Variants in STK3 observed in about 807,000 individuals in gnomAD.
STK3 encodes serine/threonine-protein kinase 3.
In STK3, 41 loss-of-function variants were observed where a neutral mutation model predicts 58.0. The observed-to-expected ratio is 0.71, with a 90% confidence interval of 0.55 to 0.92. STK3 has a LOEUF of 0.92. Among genes scored for constraint, STK3 ranks in the 40% least tolerant of loss-of-function variants. STK3 has a pLI of 0.00. For synonymous variants in STK3, 170 were observed against 191.0 expected, an observed-to-expected ratio of 0.89 and a Z score of 0.91; for missense variants, 479 against 602.7, an observed-to-expected ratio of 0.79 and a Z score of 2.15.
intron 10 of STK3, among the ~76,000 whole-genome samples, chr8:98,477,770 GA>G (rs1282366965): frequency 3.7e-5 from 5 of 135,122 alleles, no homozygotes; most frequent in African/African-American, 1.4e-4. Context: ...AAAGGACACA[GA>G]GAAAAGCCTT....
At chr8:98,825,803 GCCCC>G (rs1564039797), upstream of STK3, 39 of 65,002 alleles carry the variant, frequency 6.0e-4, no homozygotes, top group African/African-American at 1.8e-3. Context: ...CGGCCGCCCC[GCCCC>G]GCCCCCGGCC....
chr8:98,710,554 A>G (rs1313379656), intron 4 of STK3, among the ~76,000 whole-genome samples: 2 of 152,194 alleles, frequency 1.3e-5, no homozygotes, highest in Non-Finnish European at 2.9e-5. Context: ...CTAGCACAAC[A>G]GTGTGAGATC....
intron 1 of STK3, among the ~76,000 whole-genome samples, chr8:98,924,950 G>C (rs1839726840): frequency 6.6e-6 from 1 of 152,152 alleles, no homozygotes; most frequent in African/African-American, 2.4e-5. Context: ...CAAGAAGGGA[G>C]AGGACAAAAT....
In STK3 at chr8:98,417,085, T is replaced by C. The variant is rs142272771; in HGVS notation, n.484-15572A>G. Among the ~76,000 whole-genome samples, 91 of 152,302 alleles carry C rather than the reference T, an allele frequency of 6.0e-4. 4 individuals carry two copies. In the East Asian group the frequency reaches 0.017, roughly 28 times the overall value. Reference sequence around the variant, plus strand: ...AATGGAAAGGGGGGCTTCTCACATGTGGGCTCAGAGCAGAGCTGAGTGCTG... The same window carrying C: ...AATGGAAAGGGGGGCTTCTCACATGCGGGCTCAGAGCAGAGCTGAGTGCTG... On this transcript the variant is annotated intron_variant and non_coding_transcript_variant, in intron 3 of 3. Transcript: ENST00000517832.
upstream of STK3, among the ~76,000 whole-genome samples, chr8:98,827,210 T>C (rs1322715180): frequency 6.6e-6 from 1 of 150,954 alleles, no homozygotes; most frequent in African/African-American, 2.4e-5. Flanking sequence ...GTGATGCGCC[T>C]GTACTCCCAG....
chr8:98,371,349 A>G (rs1817609018), downstream of STK3: 1 of 152,248 alleles, frequency 6.6e-6, no homozygotes, highest in South Asian at 2.1e-4. Flanking sequence ...TTTCACTCTC[A>G]CAACACTGAG....
the STK3 span, among the ~76,000 whole-genome samples, chr8:98,364,512 A>G: frequency 6.6e-6 from 1 of 151,986 alleles, no homozygotes; most frequent in African/African-American, 2.4e-5. Context: ...TTTGGTTTCT[A>G]TTTCCTTAAC....
chr8:98,534,647 G>T (rs1471243606), intron 9 of STK3, among the ~76,000 whole-genome samples: 1 of 152,132 alleles, frequency 6.6e-6, no homozygotes, highest in Non-Finnish European at 1.5e-5. Context: ...CATTTAGACA[G>T]GACACATACA....
At chr8:98,798,091 T>A (rs1247109729) in intron 1 of STK3, among the ~76,000 whole-genome samples, 4 of 152,134 alleles carry the variant, frequency 2.6e-5, no homozygotes, top group African/African-American at 9.7e-5. Flanking sequence ...GATGAAGCCA[T>A]CCACATGATA....
chr8:98,357,885 C>T, the STK3 span, among the ~76,000 whole-genome samples: 3 of 152,230 alleles, frequency 2.0e-5, no homozygotes, highest in East Asian at 1.9e-4. Context: ...TAAGGAGCCT[C>T]GGCAAAGCAT....
At chr8:98,840,209 A>G (rs976704166) in intron 3 of STK3, among the ~76,000 whole-genome samples, 1 of 151,710 alleles carries the variant, frequency 6.6e-6, no homozygotes, top group African/African-American at 2.4e-5. Context: ...TTAGCTGGGC[A>G]TAGTGGTGCA....
At chr8:98,433,860 T>A (rs1304226029) in intron 3 of STK3, among the ~76,000 whole-genome samples, 1 of 152,220 alleles carries the variant, frequency 6.6e-6, no homozygotes, top group East Asian at 1.9e-4. Context: ...GTGAATCAAG[T>A]TTTAAAATCA....
the STK3 span, among the ~76,000 whole-genome samples, chr8:98,344,875 A>G: frequency 7.5e-6 from 1 of 132,942 alleles, no homozygotes; most frequent in South Asian, 2.7e-4. Flanking sequence ...CCTGGGCGAC[A>G]GAGCGAGACT....
intron 6 of STK3, among the ~76,000 whole-genome samples, chr8:98,700,791 CAG>C (rs1360457420): frequency 6.6e-5 from 10 of 152,164 alleles, no homozygotes; most frequent in Admixed American, 5.9e-4. Flanking sequence ...CTGCTGTCCA[CAG>C]AGTGATCCAT....
At chr8:98,680,701 G>A (rs13255482) in intron 6 of STK3, among the ~76,000 whole-genome samples, 2 of 152,154 alleles carry the variant, frequency 1.3e-5, no homozygotes, top group African/African-American at 2.4e-5. Context: ...TTTCTCTGTA[G>A]ACAGTTTCTA....
At chr8:98,643,235 A>G (rs941340145) in intron 6 of STK3, among the ~76,000 whole-genome samples, 3 of 152,202 alleles carry the variant, frequency 2.0e-5, no homozygotes, top group Non-Finnish European at 2.9e-5. Flanking sequence ...ATAAAATACA[A>G]TAAATGAAAG....
At chr8:98,722,434 AAGG>A (rs1018295416) in intron 4 of STK3, among the ~76,000 whole-genome samples, 4 of 152,312 alleles carry the variant, frequency 2.6e-5, no homozygotes, top group South Asian at 2.1e-4. Context: ...ACTAATGGAA[AAGG>A]AGGAGAGTGG....
In STK3 at chr8:98,628,296, C is replaced by G. The variant is rs1818887393; in HGVS notation, c.685-32127G>C. 2.0e-5 allele frequency among the ~76,000 whole-genome samples: 3 copies of G among 152,170 alleles called. 1 individual carries two copies. The highest frequency in any genetic ancestry group is 1.3e-4 in the Admixed American group (2 of 15,278). On this transcript the variant is annotated intron_variant, in intron 6 of 10. Coordinates refer to ENST00000419617, the MANE Select transcript of STK3 (RefSeq NM_006281.4). The stretch of plus-strand genomic sequence containing the variant: ...CAGGCTCATCTCTTACCATTGTTCC[C>G]AACCACTTGGTCTGGCTACACAATG...
chr8:98,558,674 TTTTTC>T (rs1811781563), intron 8 of STK3, among the ~76,000 whole-genome samples: 1 of 152,084 alleles, frequency 6.6e-6, no homozygotes, highest in South Asian at 2.1e-4. Context: ...TAAAAAGATT[TTTTTC>T]TTTTCTTCAT....
Sources: allele counts gnomAD v4.1 joint callset (sites outside exome capture counted in the v4.1 genomes callset), GRCh38; gene constraint gnomAD v4.1.1; transcripts MANE v1.5; gene names NCBI Gene and HGNC (gene_info 2026-07-23, HGNC 2026-07-21).